Variants in PRKD1 observed in about 807,000 individuals in gnomAD.
The protein encoded by PRKD1 is serine/threonine-protein kinase D1.
In PRKD1, 63 loss-of-function variants were observed where a neutral mutation model predicts 95.9. The observed-to-expected ratio is 0.66, with a 90% confidence interval of 0.54 to 0.81. The LOEUF (loss-of-function observed/expected upper bound fraction) is 0.81. Ranked by LOEUF, PRKD1 falls within the 30% of genes least tolerant of loss-of-function variation. PRKD1 has a pLI of 0.00. For synonymous variants in PRKD1, 425 were observed against 423.1 expected, an observed-to-expected ratio of 1.00 and a Z score of -0.05; for missense variants, 1,048 against 1,165.3, an observed-to-expected ratio of 0.90 and a Z score of 1.47.
rs1432633499 is a variant in PRKD1, at chr14:29,745,742, CTTG to C, written c.265-20071_265-20069del. Among the ~76,000 whole-genome samples, 530 of 152,212 alleles carry C rather than the reference CTTG, an allele frequency of 3.5e-3. 2 individuals are homozygous for C. Among genetic ancestry groups the C allele is most frequent in the African/African-American group, 0.012 (511 of 41,530 alleles). On this transcript the variant is annotated intron_variant, in intron 1 of 17. Coordinates refer to ENST00000331968, the MANE Select transcript of PRKD1 (RefSeq NM_002742.3). Reference sequence around the variant, plus strand: ...CCTCCTGCCTCGGCCTCCCAAAGCACTTGGATTACAGGTGTGAGCCACCTGCAC... The same window carrying C: ...CCTCCTGCCTCGGCCTCCCAAAGCACGATTACAGGTGTGAGCCACCTGCAC...
chr14:29,675,119 G>A (rs1202965846), intron 2 of PRKD1, among the ~76,000 whole-genome samples: 1 of 152,112 alleles, frequency 6.6e-6, no homozygotes, highest in Non-Finnish European at 1.5e-5. Flanking sequence ...CTGAAAGGAG[G>A]GAACTTGGTA....
At chr14:29,880,165 G>A (rs1893449887) in intron 1 of PRKD1, among the ~76,000 whole-genome samples, 1 of 152,168 alleles carries the variant, frequency 6.6e-6, no homozygotes, top group South Asian at 2.1e-4. Context: ...AGACCTTCAT[G>A]GCAGCCCCTC....
chr14:29,906,295 T>C (rs1009360473), intron 1 of PRKD1, among the ~76,000 whole-genome samples: 21 of 152,130 alleles, frequency 1.4e-4, no homozygotes, highest in Admixed American at 6.5e-4. Context: ...CCCCAGCACT[T>C]TGGGAAGCCA....
At chr14:29,874,599 T>C (rs929945063) in intron 1 of PRKD1, among the ~76,000 whole-genome samples, 2 of 152,124 alleles carry the variant, frequency 1.3e-5, no homozygotes, top group Non-Finnish European at 2.9e-5. Flanking sequence ...TGTCCATCAA[T>C]GGGCAAAAAG....
chr14:29,648,297 T>C (rs1225099036), intron 4 of PRKD1, among the ~76,000 whole-genome samples: 3 of 42,178 alleles, frequency 7.1e-5, no homozygotes, highest in East Asian at 6.4e-4. Context: ...AGCACCACAA[T>C]TTTTTTTTTT....
At chr14:29,753,895 G>A (rs1566580916) in intron 1 of PRKD1, among the ~76,000 whole-genome samples, 1 of 152,120 alleles carries the variant, frequency 6.6e-6, no homozygotes, top group Non-Finnish European at 1.5e-5. Flanking sequence ...GCAACGGATA[G>A]CCTGATGCAT....
rs984053198 is a variant in PRKD1, at chr14:29,663,731, G to A, written c.664C>T (p.Leu222Phe). 18 of 1,613,952 alleles carry A rather than the reference G, an allele frequency of 1.1e-5. No individual in the cohort carries two copies. The highest frequency in any genetic ancestry group is 3.3e-5 in the Admixed American group (2 of 59,994). ...GGCTCATCAGGGGCACTTGTAGAGAGTTCAGCAGATGATGTGCGGATGGTG... is the reference window on the plus strand; with the variant it reads ...GGCTCATCAGGGGCACTTGTAGAGAATTCAGCAGATGATGTGCGGATGGTG... ...VSTIRTSSAE[L>F]STSAPDEPLL... is the part of the protein sequence containing the mutation. The change falls in exon 4 of 18, where the codon CTC becomes TTC. Residue 222 changes from leucine (L) to phenylalanine (F), a missense_variant. By Grantham distance (22) the Leu-to-Phe change is conservative. Around this residue, in one of 3 missense-constraint regions of PRKD1, gnomAD observed 275 missense variants for 248.6 expected, o/e 1.11. Coordinates refer to ENST00000331968, the MANE Select transcript of PRKD1 (RefSeq NM_002742.3).
At chr14:29,845,973 C>T (rs1313754758) in intron 1 of PRKD1, among the ~76,000 whole-genome samples, 2 of 152,032 alleles carry the variant, frequency 1.3e-5, no homozygotes, top group African/African-American at 2.4e-5. Context: ...ATATTAAATA[C>T]AGGCATCAAT....
At chr14:29,625,615 G>A (rs560026786) in intron 12 of PRKD1, among the ~76,000 whole-genome samples, 15 of 151,928 alleles carry the variant, frequency 9.9e-5, no homozygotes, top group Non-Finnish European at 1.6e-4. Flanking sequence ...ATACCGTTAC[G>A]CATTAACAAA....
At chr14:29,900,061 C>T (rs557846997) in intron 1 of PRKD1, among the ~76,000 whole-genome samples, 2 of 152,260 alleles carry the variant, frequency 1.3e-5, no homozygotes, top group South Asian at 2.1e-4. Context: ...CTGAGGCCTC[C>T]GCAGCCATGC....
intron 2 of PRKD1, among the ~76,000 whole-genome samples, chr14:29,687,523 T>A (rs1381639201): frequency 6.6e-6 from 1 of 152,204 alleles, no homozygotes; most frequent in Non-Finnish European, 1.5e-5. Flanking sequence ...CAGCACAAGT[T>A]GTTGCAGAGA....
chr14:29,856,926 T>C (rs1892528083), intron 1 of PRKD1, among the ~76,000 whole-genome samples: 1 of 152,160 alleles, frequency 6.6e-6, no homozygotes, highest in African/African-American at 2.4e-5. Flanking sequence ...AAGGGAACAG[T>C]TCCTCTGGAA....
chr14:29,736,236 T>G (rs1472514855), intron 1 of PRKD1, among the ~76,000 whole-genome samples: 1 of 152,196 alleles, frequency 6.6e-6, no homozygotes, highest in Non-Finnish European at 1.5e-5. Context: ...TATTACTGGA[T>G]AAAAATATGC....
chr14:29,866,741 C>T (rs1458204603), intron 1 of PRKD1, among the ~76,000 whole-genome samples: 1 of 152,086 alleles, frequency 6.6e-6, no homozygotes, highest in African/African-American at 2.4e-5. Context: ...CAGATCTAAA[C>T]AGGATTTACA....
Position 29,615,643 on chromosome 14 carries a change from A to G in PRKD1, c.1905+8509T>C, listed in dbSNP as rs369050683. Among the ~76,000 whole-genome samples the G allele has an allele frequency of 5.9e-5, 9 of 152,318 alleles. No individual in the cohort carries two copies. The East Asian group carries it at 1.5e-3, about 26-fold the overall frequency. On this transcript the variant is annotated intron_variant, in intron 13 of 17. Transcript: ENST00000331968. Reference sequence around the variant, plus strand: ...ATGACTTCCTCCACTGTGCTTCCACAGCGATTCTGACTTCTAACTACTTGT... The same window carrying G: ...ATGACTTCCTCCACTGTGCTTCCACGGCGATTCTGACTTCTAACTACTTGT...
rs1161954260 is a variant in PRKD1, at chr14:29,801,469, A to G, written c.265-75795T>C. On this transcript the variant is annotated intron_variant, in intron 1 of 17. Coordinates refer to ENST00000331968, the MANE Select transcript of PRKD1 (RefSeq NM_002742.3). Reference sequence around the variant, plus strand: ...GAATAAGCAGTAGGGAAAAAGAACCACTTGAGGCAATCGCCTTGATCTTCA... The same window carrying G: ...GAATAAGCAGTAGGGAAAAAGAACCGCTTGAGGCAATCGCCTTGATCTTCA... 8.5e-5 allele frequency among the ~76,000 whole-genome samples: 13 copies of G among 152,250 alleles called. No homozygotes were observed. In the East Asian group the frequency reaches 2.5e-3, roughly 29 times the overall value.
rs374709637 is a variant in PRKD1 at position 29,751,973 on chromosome 14, A to C, written c.265-26299T>G. 5.9e-5 allele frequency among the ~76,000 whole-genome samples: 9 copies of C among 152,314 alleles called. No homozygotes were observed. In the East Asian group the frequency reaches 1.2e-3, roughly 20 times the overall value. Reference sequence around the variant, plus strand: ...AAGTTGTAATTTAAGTGAGCCAAGAATTCACTTGTCACTTATGAACATTTG... The same window carrying C: ...AAGTTGTAATTTAAGTGAGCCAAGACTTCACTTGTCACTTATGAACATTTG... On this transcript the variant is annotated intron_variant, in intron 1 of 17. Transcript: ENST00000331968.
At chr14:29,687,374 A>G (rs1239692072) in intron 2 of PRKD1, among the ~76,000 whole-genome samples, 1 of 152,196 alleles carries the variant, frequency 6.6e-6, no homozygotes, top group African/African-American at 2.4e-5. Context: ...AGGAGTGGAG[A>G]GAAGAGAAAA....
At chr14:29,905,192 T>G (rs938294903) in intron 1 of PRKD1, among the ~76,000 whole-genome samples, 1 of 152,120 alleles carries the variant, frequency 6.6e-6, no homozygotes, top group African/African-American at 2.4e-5. Context: ...TCCAGCTCCC[T>G]CAGCCCAAAA....
Sources: gnomAD v4.1 joint callset for allele counts (sites outside exome capture counted in the v4.1 genomes callset) on GRCh38, gnomAD v4.1.1 for gene constraint, gnomAD v4.1.1 regional missense constraint, MANE v1.5 for transcripts, NCBI Gene and HGNC (gene_info 2026-07-23, HGNC 2026-07-21) for gene names.